Variants in VWF observed in about 807,000 individuals in gnomAD.
The protein encoded by VWF is Factor VIII related antigen.
A neutral mutation model predicts 308.6 loss-of-function variants in VWF; 176 were observed. The observed-to-expected ratio is 0.57, with a 90% CI of 0.50 to 0.65. VWF has a LOEUF of 0.65. Ranked by LOEUF, VWF falls within the 30% of genes least tolerant of loss-of-function variation. VWF has a pLI of 0.00. For synonymous variants in VWF, 1,385 were observed against 1,443.4 expected (o/e 0.96, Z 0.92); for missense variants, 3,146 against 3,648.2 (o/e 0.86, Z 3.55).
chr12:6,031,639 A>C (rs978081517), intron 20 of VWF, 61 bp from the exon 21 acceptor site: 11 of 1,612,560 alleles, frequency 6.8e-6, no homozygotes, highest in Middle Eastern at 1.8e-4. Flanking sequence ...CCAGACCAGA[A>C]GATTGGCATC....
At chr12:6,009,847 G>C (rs1008939435) in intron 34 of VWF, among the ~76,000 whole-genome samples, 9 of 152,210 alleles carry the variant, frequency 5.9e-5, no homozygotes, top group Admixed American at 4.6e-4. Context: ...GAACTTGGAG[G>C]ATGTTAAGCT....
intron 17 of VWF, among the ~76,000 whole-genome samples, chr12:6,044,670 T>A (rs1591881057): frequency 2.0e-5 from 3 of 152,286 alleles, no homozygotes; most frequent in South Asian, 4.1e-4. Flanking sequence ...TGGTGGCAGC[T>A]CTTCTGACCC....
chr12:5,988,930 C>G (rs1943708697), intron 38 of VWF, among the ~76,000 whole-genome samples: 1 of 152,214 alleles, frequency 6.6e-6, no homozygotes, highest in South Asian at 2.1e-4. Context: ...GGAAAACTGA[C>G]ATTTTCAAGG....
rs538030800 is a variant in VWF at position 6,018,670 on chromosome 12, C to T, written c.4748G>A (p.Arg1583Gln). ...GNRTNTGLAL[R>Q]YLSDHSFLVS... ...CAAGAAGCTGTGGTCAGAGAGGTAC[C>T]GCAGGGCCAGCCCAGTGTTGGTCCT... The change falls in exon 28 of 52, where the codon CGG becomes CAG. Residue 1583 changes from arginine to glutamine, a missense_variant. Physicochemically the swap from Arg to Gln is conservative, Grantham distance 43. This residue lies in a region of VWF where 853 missense variants were observed against 1,177.8 expected (regional missense o/e 0.72). Coordinates refer to ENST00000261405, the MANE Select transcript of VWF (RefSeq NM_000552.5). The T allele has an allele frequency of 4.8e-5, 78 of 1,613,826 alleles. 2 individuals are homozygous for T. The South Asian group carries it at 6.5e-4, about 13-fold the overall frequency.
intron 6 of VWF, among the ~76,000 whole-genome samples, chr12:6,082,736 G>C (rs1944927588): frequency 6.6e-6 from 1 of 152,254 alleles, no homozygotes; most frequent in Admixed American, 6.5e-5. Context: ...AGGCAGGCCA[G>C]AGTCTCTCTG....
At chr12:6,028,729 C>A (rs964982962) in intron 22 of VWF, among the ~76,000 whole-genome samples, 33 of 152,258 alleles carry the variant, frequency 2.2e-4, no homozygotes, top group Admixed American at 2.2e-3. Context: ...TTGTCACCAC[C>A]AGGCCTGCCT....
At chr12:6,091,854 C>T (rs1226588371) in intron 6 of VWF, among the ~76,000 whole-genome samples, 1 of 152,228 alleles carries the variant, frequency 6.6e-6, no homozygotes, top group African/African-American at 2.4e-5. Flanking sequence ...CCAGGCAGGG[C>T]ATGAGTCCTG....
intron 47 of VWF, among the ~76,000 whole-genome samples, chr12:5,961,879 C>T (rs916162991): frequency 4.0e-5 from 6 of 151,768 alleles, no homozygotes; most frequent in Non-Finnish European, 5.9e-5. Context: ...ATTTAAACTC[C>T]CAACTGATGA....
Position 5,994,071 on chromosome 12 carries a change from T to TG in VWF, c.6388dup (p.Gln2130ProfsTer20), listed in dbSNP as rs1488493898. 6.2e-7 allele frequency: 1 copy of TG among 1,614,172 alleles called. No homozygotes were observed. The highest frequency in any genetic ancestry group is 2.2e-5 in the East Asian group (1 of 44,888). On this transcript the variant is annotated frameshift_variant, in exon 37 of 52. Transcript: ENST00000261405. LOFTEE classifies it high-confidence loss of function. Reference sequence around the variant, plus strand: ...GTGGGAGCTGTCGGGGACAAGACACTGCTCCTCCAGGATGGGCTGGCACGT... The same window carrying TG: ...GTGGGAGCTGTCGGGGACAAGACACTGGCTCCTCCAGGATGGGCTGGCACGT...
intron 43 of VWF, 109 bp downstream of exon 43, chr12:5,976,002 C>T (rs755791107): frequency 4.8e-6 from 7 of 1,464,396 alleles, no homozygotes; most frequent in Middle Eastern, 4.7e-4. Context: ...GGCGACAGAG[C>T]GAGTCTCCAT....
chr12:6,016,558 G>A lies in VWF; in HGVS notation c.5269C>T (p.Leu1757Phe), dbSNP rs376888924. The A allele has an allele frequency of 6.8e-6, 11 of 1,614,080 alleles. No homozygotes were observed. In the African/African-American group the frequency reaches 1.5e-4, roughly 22 times the overall value. The change falls in exon 30 of 52, where the codon CTT becomes TTT. Residue 1757 changes from leucine to phenylalanine, a missense_variant. Physicochemically the swap from Leu to Phe is conservative, Grantham distance 22. Coordinates refer to ENST00000261405, the MANE Select transcript of VWF (RefSeq NM_000552.5). ...VVPEKAHLLS[L>F]VDVMQREGGP... ...CCCTCCCGCTGCATGACGTCCACAA[G>A]GCTCAGCAAATGGGCTTTCTCCGGG...
intron 6 of VWF, among the ~76,000 whole-genome samples, chr12:6,079,628 G>C (rs190763087): frequency 2.0e-5 from 3 of 151,288 alleles, no homozygotes; most frequent in African/African-American, 7.3e-5. Context: ...AAAAAAAATA[G>C]GTCCAAAGAG....
In VWF at chr12:5,994,500, G is replaced by A; in HGVS notation, c.6171C>T (p.His2057=). ...MHEVRFNHLG[H]IFTFTPQNNE... ...TGTTTTGTGGAGTGAATGTGAAGAT[G>A]TGACCAAGGTGATTGAATCTGACCT... Residue 2057 remains histidine, a synonymous_variant, in exon 36 of 52, where the codon CAC becomes CAT. Coordinates refer to ENST00000261405, the MANE Select transcript of VWF (RefSeq NM_000552.5). 1.2e-6 allele frequency: 2 copies of A among 1,614,110 alleles called. No homozygotes were observed. Among genetic ancestry groups the A allele is most frequent in the Non-Finnish European group, 1.7e-6 (2 of 1,179,974 alleles).
chr12:5,955,003 C>G (rs1366987839), intron 47 of VWF, among the ~76,000 whole-genome samples: 1 of 151,574 alleles, frequency 6.6e-6, no homozygotes, highest in Non-Finnish European at 1.5e-5. Context: ...AATGAACCAC[C>G]AATAATCTAA....
intron 6 of VWF, among the ~76,000 whole-genome samples, chr12:6,079,297 T>C (rs1591904641): frequency 1.3e-5 from 2 of 152,148 alleles, no homozygotes; most frequent in South Asian, 2.1e-4. Context: ...GACCAGGTCC[T>C]GAGACAGGAC....
chr12:5,953,502 T>C lies in VWF; in HGVS notation c.7980A>G (p.Thr2660=). The part of the protein sequence containing the change: ...TIQLRGGQIM[T]LKRDETLQDG... ...GCATTCAGCTTGCTCCTACCTTCAG[T>C]GTCATGATCTGTCCTCCTCTTAGCT... is the stretch of plus-strand genomic sequence containing the variant. Residue 2660 remains threonine (T), a synonymous_variant, in exon 48 of 52, where the codon ACA becomes ACG. Transcript: ENST00000261405. 1 of 1,614,010 alleles carries C rather than the reference T, an allele frequency of 6.2e-7. No homozygotes were observed. Among genetic ancestry groups the C allele is most frequent in the Non-Finnish European group, 8.5e-7 (1 of 1,179,862 alleles).
intron 34 of VWF, among the ~76,000 whole-genome samples, chr12:6,004,115 A>G (rs1336343566): frequency 6.6e-6 from 1 of 152,164 alleles, no homozygotes; most frequent in African/African-American, 2.4e-5. Flanking sequence ...TTTATGTTAT[A>G]TGTATATTAC....
At chr12:6,029,608 C>A in intron 21 of VWF, 120 bp from the exon 22 acceptor site, 1 of 1,307,140 alleles carries the variant, frequency 7.7e-7, no homozygotes, top group Non-Finnish European at 1.1e-6. Flanking sequence ...GCACTGCCAC[C>A]CCTCCAGGAC....
rs1203085196 is a variant in VWF at position 5,964,849 on chromosome 12, A to G, written c.7887+2637T>C. ...TATGCGAGAAGAAAGATTTGGAAGA[A>G]AAGGGAAAGGAGGCAGAAAATAAGC... On this transcript the variant is annotated intron_variant, in intron 47 of 51. Coordinates refer to ENST00000261405, the MANE Select transcript of VWF (RefSeq NM_000552.5). 3.9e-5 allele frequency among the ~76,000 whole-genome samples: 6 copies of G among 152,208 alleles called. No individual in the cohort carries two copies. The East Asian group carries it at 7.7e-4, about 20-fold the overall frequency.
Sources: allele counts gnomAD v4.1 joint callset (sites outside exome capture counted in the v4.1 genomes callset), GRCh38; gene constraint gnomAD v4.1.1; regional missense constraint gnomAD v4.1.1; transcripts MANE v1.5; gene names NCBI Gene and HGNC (gene_info 2026-07-23, HGNC 2026-07-21).